Variants in IPO11 observed in about 807,000 individuals in gnomAD.
IPO11 encodes the protein importin-11.
IPO11 carries 66 observed loss-of-function variants against 143.2 expected under a neutral mutation model. That is an observed-to-expected ratio of 0.46 (90% confidence interval 0.38 to 0.57). IPO11 has a LOEUF of 0.57. Ranked by LOEUF, IPO11 falls within the 20% of genes least tolerant of loss-of-function variation. The pLI is 0.00. For synonymous variants in IPO11, 385 were observed against 377.8 expected (o/e 1.02, Z -0.22); for missense variants, 1,026 against 1,141.0 (o/e 0.90, Z 1.45).
At chr5:62,547,347 C>T (rs1743238728) in intron 24 of IPO11, among the ~76,000 whole-genome samples, 1 of 152,072 alleles carries the variant, frequency 6.6e-6, no homozygotes, top group South Asian at 2.1e-4. Flanking sequence ...CCACAGGCAC[C>T]TCAAATTCGT....
rs115145597 is a variant in IPO11 at position 62,452,567 on chromosome 5, G to A, written c.516+634G>A. On this transcript the variant is annotated intron_variant, in intron 5 of 29. Transcript: ENST00000325324. ...GGAGAATTGATACGTCTGGGTAACT[G>A]AAGGATGTAGGGCAGATATAGGAAG... Among the ~76,000 whole-genome samples, 518 of 151,012 alleles carry A rather than the reference G, an allele frequency of 3.4e-3. 43 individuals are homozygous for A. The highest frequency in any genetic ancestry group is 0.012 in the African/African-American group (491 of 40,358).
chr5:62,531,518 CG>C (rs1032786209), intron 22 of IPO11, among the ~76,000 whole-genome samples: 5 of 152,018 alleles, frequency 3.3e-5, no homozygotes, highest in Admixed American at 6.6e-5. Flanking sequence ...TTAGTAGAGA[CG>C]GGGTTTCACC....
At chr5:62,567,452 C>G (rs1743981209) in intron 27 of IPO11, among the ~76,000 whole-genome samples, 1 of 136,820 alleles carries the variant, frequency 7.3e-6, no homozygotes, top group South Asian at 2.3e-4. Flanking sequence ...TTATATCTTT[C>G]TCTGGATTTG....
intron 24 of IPO11, 119 bp from the exon 25 acceptor site, chr5:62,550,248 G>T: frequency 6.1e-6 from 4 of 656,852 alleles, no homozygotes; most frequent in Non-Finnish European, 1.1e-5. Flanking sequence ...CCCTGCATAC[G>T]TGTATGCATT....
rs1174236137 is a variant in IPO11 at position 62,437,564 on chromosome 5, T to G, written c.138+147T>G. ...CCTTTGCCATTATCTTATTACTTTA[T>G]GACTTCTTAAGGGTGTTAAATAAAT... On this transcript the variant is annotated intron_variant, in intron 2 of 29. Coordinates refer to ENST00000325324, the MANE Select transcript of IPO11 (RefSeq NM_016338.5). The G allele has an allele frequency of 1.5e-5, 9 of 608,142 alleles. No homozygotes were observed. In the East Asian group the frequency reaches 2.7e-4, roughly 18 times the overall value. The allele number at this position is 608,142 out of a possible 1,614,324, so 37.7% of individuals were successfully genotyped here.
At chr5:62,604,354 G>A (rs1222969262) in intron 29 of IPO11, among the ~76,000 whole-genome samples, 2 of 152,032 alleles carry the variant, frequency 1.3e-5, no homozygotes, top group Non-Finnish European at 2.9e-5. Flanking sequence ...GACTACAAGT[G>A]TGTGCCACCA....
At chr5:62,488,409 ATTCAGTAACTATTGTT>A (rs145715207) in intron 13 of IPO11, among the ~76,000 whole-genome samples, 130 of 152,340 alleles carry the variant, frequency 8.5e-4, no homozygotes, top group African/African-American at 2.9e-3. Flanking sequence ...TGCTGGGCAT[ATTCAGTAACTATTGTT>A]ACTTGATTGA....
intron 29 of IPO11, among the ~76,000 whole-genome samples, chr5:62,626,664 CT>C (rs535167129): frequency 1.4e-3 from 188 of 136,056 alleles, no homozygotes; most frequent in South Asian, 4.3e-3. Flanking sequence ...CGAGGAGTCC[CT>C]TTTTTTTTTT....
At chr5:62,451,962 T>C in intron 5 of IPO11, 29 bp downstream of exon 5, 2 of 1,583,052 alleles carry the variant, frequency 1.3e-6, no homozygotes, top group South Asian at 1.1e-5. Flanking sequence ...TTAAATTTGA[T>C]TATGAAAATT....
chr5:62,418,556 A>G (rs1386801991), intron 1 of IPO11, among the ~76,000 whole-genome samples: 1 of 152,222 alleles, frequency 6.6e-6, no homozygotes, highest in Non-Finnish European at 1.5e-5. Context: ...ATTATGCAGA[A>G]AAATTAAGGA....
intron 29 of IPO11, among the ~76,000 whole-genome samples, chr5:62,619,874 C>A (rs1453555023): frequency 6.6e-6 from 1 of 151,736 alleles, no homozygotes; most frequent in African/African-American, 2.4e-5. Flanking sequence ...AAAAAAGAAA[C>A]TGCACAAACA....
intron 12 of IPO11, 22 bp from the exon 13 acceptor site, chr5:62,487,749 A>G (rs1244301714): frequency 1.3e-6 from 2 of 1,535,648 alleles, no homozygotes; most frequent in Non-Finnish European, 1.8e-6. Context: ...TTGATGAGAA[A>G]TTTGTATTTT....
chr5:62,438,752 CA>C (rs978689238), intron 2 of IPO11, among the ~76,000 whole-genome samples: 168 of 127,088 alleles, frequency 1.3e-3, no homozygotes, highest in Non-Finnish European at 1.8e-3. Flanking sequence ...AACTCCATCT[CA>C]AAAAAAAAAG....
chr5:62,618,844 C>G (rs891842741), intron 29 of IPO11, among the ~76,000 whole-genome samples: 1 of 152,132 alleles, frequency 6.6e-6, no homozygotes, highest in East Asian at 1.9e-4. Flanking sequence ...CCAAAAGCCC[C>G]TCTCCTCAAA....
intron 20 of IPO11, among the ~76,000 whole-genome samples, chr5:62,523,047 G>C (rs1742255187): frequency 6.6e-6 from 1 of 152,152 alleles, no homozygotes; most frequent in South Asian, 2.1e-4. Flanking sequence ...TTTTTCTGTA[G>C]TGTAAATCAG....
At chr5:62,584,890 T>C (rs1389809944) in intron 27 of IPO11, among the ~76,000 whole-genome samples, 8 of 152,070 alleles carry the variant, frequency 5.3e-5, no homozygotes, top group Admixed American at 5.2e-4. Flanking sequence ...GAGAGAAGAA[T>C]GTATAGTACA....
chr5:62,558,004 C>T (rs1466541610), intron 26 of IPO11, among the ~76,000 whole-genome samples: 3 of 152,054 alleles, frequency 2.0e-5, no homozygotes, highest in African/African-American at 7.2e-5. Context: ...GAACTTTATA[C>T]CAAGGCTCAA....
intron 13 of IPO11, among the ~76,000 whole-genome samples, chr5:62,488,090 G>A (rs915033770): frequency 4.6e-5 from 7 of 152,186 alleles, no homozygotes; most frequent in African/African-American, 1.7e-4. Flanking sequence ...TACAATAGAA[G>A]CAAAAGCAAA....
chr5:62,424,585 T>A (rs1743650152), intron 1 of IPO11, among the ~76,000 whole-genome samples: 2 of 135,720 alleles, frequency 1.5e-5, no homozygotes, highest in Non-Finnish European at 3.2e-5. Context: ...CTGGCTAAGG[T>A]TTTTTTTTTT....
Sources: gnomAD v4.1 joint callset for allele counts (sites outside exome capture counted in the v4.1 genomes callset) on GRCh38, gnomAD v4.1.1 for gene constraint, MANE v1.5 for transcripts, NCBI Gene and HGNC (gene_info 2026-07-23, HGNC 2026-07-21) for gene names.